The following RBM19 variants were observed in gnomAD, a reference collection of about 807,000 sequenced individuals.
The protein encoded by RBM19 is probable RNA-binding protein 19.
In RBM19, 94 loss-of-function variants were observed where a neutral mutation model predicts 116.8. The observed-to-expected ratio is 0.80, with a 90% CI of 0.68 to 0.95. The LOEUF is 0.95. Ranked by LOEUF, RBM19 falls within the 40% of genes least tolerant of loss-of-function variation. The pLI, the probability that RBM19 is intolerant of heterozygous loss-of-function variation, is 0.00. For missense variants in RBM19, 1,161 were observed against 1,220.7 expected, an observed-to-expected ratio of 0.95 and a Z score of 0.73; for synonymous variants, 475 against 494.1, an observed-to-expected ratio of 0.96 and a Z score of 0.51.
intron 22 of RBM19, among the ~76,000 whole-genome samples, chr12:113,847,360 T>A (rs1360495343): frequency 1.3e-5 from 2 of 152,190 alleles, no homozygotes; most frequent in East Asian, 3.8e-4. Flanking sequence ...TAACTTTAAT[T>A]TAAAAAACTC....
At chr12:113,939,166 C>G (rs1039258382) in intron 15 of RBM19, among the ~76,000 whole-genome samples, 1 of 152,030 alleles carries the variant, frequency 6.6e-6, no homozygotes, top group Non-Finnish European at 1.5e-5. Context: ...ATTAGCCAGG[C>G]GTGGTGGTGC....
chr12:113,899,474 G>C (rs1881544226), intron 21 of RBM19, among the ~76,000 whole-genome samples: 1 of 152,160 alleles, frequency 6.6e-6, no homozygotes, highest in Non-Finnish European at 1.5e-5. Context: ...GAACTCATCA[G>C]ACCAAGTTAC....
rs866674770 is a variant in RBM19 at position 113,960,148 on chromosome 12, C to T, written c.250G>A (p.Ala84Thr). 6.2e-7 allele frequency: 1 copy of T among 1,613,862 alleles called. No individual in the cohort carries two copies. The highest frequency in any genetic ancestry group is 1.7e-4 in the Middle Eastern group (1 of 5,890). Reference protein sequence around the residue: ...VEFCKSFGDPAKPRAWSKHAQ... With the variant: ...VEFCKSFGDPTKPRAWSKHAQ... ...TGTTTGCTCCAGGCTCTGGGTTTGG[C>T]CGGGTCCCCGAATGACTTGCAGAAC... Residue 84 changes from alanine to threonine, a missense_variant, in exon 3 of 24, where the codon GCC (alanine) becomes ACC (threonine). Transcript: ENST00000261741.
In RBM19 at chr12:113,858,791, C is replaced by T. The variant is rs1555232168; in HGVS notation, c.2664G>A (p.Lys888=). Residue 888 remains lysine (K), a splice_region_variant and synonymous_variant, in exon 22 of 24, where the codon AAG becomes AAA. Coordinates refer to ENST00000261741, the MANE Select transcript of RBM19 (RefSeq NM_016196.4). The part of the protein sequence containing the change: ...FVDFLTKQDA[K]RAFNALCHST... ...GTGGGGAAGGGATTCACGGTCTCAC[C>T]TTCGCATCCTGCTTGGTGAGGAAGT... 20 of 1,613,856 alleles carry T rather than the reference C, an allele frequency of 1.2e-5. No individual in the cohort carries two copies. Among genetic ancestry groups the T allele is most frequent in the Non-Finnish European group, 1.5e-5 (18 of 1,179,966 alleles).
At chr12:113,845,416 CAT>C (rs1876879400) in intron 22 of RBM19, among the ~76,000 whole-genome samples, 1 of 152,234 alleles carries the variant, frequency 6.6e-6, no homozygotes. Context: ...CCGACTCCCA[CAT>C]GCTGCCTGGT....
intron 6 of RBM19, among the ~76,000 whole-genome samples, chr12:113,957,333 T>C (rs1465938548): frequency 2.0e-5 from 3 of 152,144 alleles, no homozygotes; most frequent in Non-Finnish European, 4.4e-5. Flanking sequence ...CCCAGCACTT[T>C]GGGAGGCTGA....
At chr12:113,844,584 G>C in intron 23 of RBM19, 84 bp downstream of exon 23, 2 of 1,509,366 alleles carry the variant, frequency 1.3e-6, no homozygotes, top group South Asian at 2.6e-5. Flanking sequence ...GCTGGGTCGA[G>C]GGCAGTTCTC....
chr12:113,933,478 A>C (rs556627738), intron 16 of RBM19, among the ~76,000 whole-genome samples: 1 of 152,330 alleles, frequency 6.6e-6, no homozygotes, highest in South Asian at 2.1e-4. Context: ...GACGCGGGAC[A>C]CAGCGGGGCT....
Position 113,823,014 on chromosome 12 carries a change from G to A in RBM19, c.*210C>T, listed in dbSNP as rs962456580. On this transcript the variant is annotated 3_prime_UTR_variant, in exon 24 of 24. Coordinates refer to ENST00000261741, the MANE Select transcript of RBM19 (RefSeq NM_016196.4). ...GCGCAGTCAGTGTCTGCTAGAACGC[G>A]TCACTGGTGAAACCCAGGATGCCTG... 4 of 574,212 alleles carry A rather than the reference G, an allele frequency of 7.0e-6. No individual in the cohort carries two copies. Among genetic ancestry groups the A allele is most frequent in the Admixed American group, 6.1e-5 (2 of 32,658 alleles). The allele number at this position is 574,212 out of a possible 1,614,324, so 35.6% of individuals were successfully genotyped here. A position where few individuals can be genotyped will look rare whatever the true frequency, so the allele number is the denominator to read the frequency against.
At chr12:113,906,244 T>G (rs114356556) in intron 21 of RBM19, among the ~76,000 whole-genome samples, 8,556 of 152,268 alleles carry the variant, frequency 0.056, 789 homozygotes, top group African/African-American at 0.19. Context: ...GTAAGTATAT[T>G]GCAACATATT....
chr12:113,942,204 T>C lies in RBM19; in HGVS notation c.1737+120A>G, dbSNP rs1870632641. 1.2e-5 allele frequency: 10 copies of C among 837,142 alleles called. 1 individual carries two copies. The South Asian group carries it at 1.2e-4, about 10-fold the overall frequency. 51.9% of individuals were successfully genotyped at this position (837,142 alleles called of 1,614,324 possible). On this transcript the variant is annotated intron_variant, in intron 14 of 23. Coordinates refer to ENST00000261741, the MANE Select transcript of RBM19 (RefSeq NM_016196.4). Reference sequence around the variant, plus strand: ...TTTCTTCTTTTCTTTAGAGACAATTTAGAAATCAGTAATAGTCCTTAGAAG... The same window carrying C: ...TTTCTTCTTTTCTTTAGAGACAATTCAGAAATCAGTAATAGTCCTTAGAAG...
chr12:113,827,551 G>T (rs894277377), intron 23 of RBM19, among the ~76,000 whole-genome samples: 1 of 152,100 alleles, frequency 6.6e-6, no homozygotes, highest in African/African-American at 2.4e-5. Context: ...GAGGACAAGA[G>T]AAAGCGCTTC....
chr12:113,870,850 C>T (rs763441916), intron 21 of RBM19, among the ~76,000 whole-genome samples: 2 of 152,180 alleles, frequency 1.3e-5, no homozygotes, highest in Non-Finnish European at 2.9e-5. Context: ...CGTGACATAG[C>T]AGTTTGTGAC....
chr12:113,934,883 G>A (rs1196699155), intron 16 of RBM19, among the ~76,000 whole-genome samples: 8 of 152,012 alleles, frequency 5.3e-5, no homozygotes, highest in South Asian at 2.1e-4. Flanking sequence ...CTCATCTTTC[G>A]AAGGAACAGA....
chr12:113,858,974 A>C, intron 21 of RBM19, 78 bp from the exon 22 acceptor site: 3 of 1,288,058 alleles, frequency 2.3e-6, no homozygotes, highest in Non-Finnish European at 3.4e-6. Context: ...ACTGATTCTC[A>C]CATGTAAATC....
intron 23 of RBM19, among the ~76,000 whole-genome samples, chr12:113,832,736 A>T (rs1875536945): frequency 1.3e-5 from 2 of 152,234 alleles, no homozygotes; most frequent in Non-Finnish European, 2.9e-5. Context: ...CTCTGTCTCC[A>T]GGTGGATGGA....
chr12:113,936,248 C>T (rs1481292275), intron 16 of RBM19, among the ~76,000 whole-genome samples: 1 of 152,080 alleles, frequency 6.6e-6, no homozygotes. Context: ...TTATTACTGA[C>T]AAGGAAAATC....
Position 113,952,456 on chromosome 12 carries a change from A to T in RBM19, c.1000+56T>A, listed in dbSNP as rs537612313. 3.4e-6 allele frequency: 5 copies of T among 1,482,236 alleles called. No individual in the cohort carries two copies. In the East Asian group the frequency reaches 1.1e-4, roughly 34 times the overall value. The allele number at this position is 1,482,236 out of a possible 1,614,324, so 91.8% of individuals were successfully genotyped here. A position where few individuals can be genotyped will look rare whatever the true frequency, so the allele number is the denominator to read the frequency against. The stretch of plus-strand genomic sequence containing the variant: ...ACTTCTTCCTTATTCAAGTACCCCA[A>T]CCTTCAATCTTCACTGTCTACCCGC... On this transcript the variant is annotated intron_variant, in intron 8 of 23. Coordinates refer to ENST00000261741, the MANE Select transcript of RBM19 (RefSeq NM_016196.4).
intron 23 of RBM19, among the ~76,000 whole-genome samples, chr12:113,843,124 C>G (rs1387187586): frequency 6.6e-6 from 1 of 152,230 alleles, no homozygotes; most frequent in African/African-American, 2.4e-5. Flanking sequence ...ACCAGTGGCC[C>G]CACTGGAAGG....
Sources: allele counts gnomAD v4.1 joint callset (sites outside exome capture counted in the v4.1 genomes callset), GRCh38; gene constraint gnomAD v4.1.1; transcripts MANE v1.5; gene names NCBI Gene and HGNC (gene_info 2026-07-23, HGNC 2026-07-21).